The following RARB variants were observed in gnomAD, a reference collection of about 807,000 sequenced individuals.
RARB encodes retinoic acid receptor beta, also known as HBV-activated protein.
In RARB, 17 loss-of-function variants were observed where a neutral mutation model predicts 51.9. The observed-to-expected ratio is 0.33, with a 90% confidence interval of 0.22 to 0.49. RARB has a LOEUF of 0.49. RARB is among the 20% of genes least tolerant of loss of function. The pLI is 0.99. For synonymous variants in RARB, 215 were observed against 195.4 expected (o/e 1.10, Z -0.84); for missense variants, 369 against 550.8 (o/e 0.67, Z 3.30).
intron 5 of RARB, among the ~76,000 whole-genome samples, chr3:25,186,885 CTGTGTG>C (rs71057702): frequency 0.087 from 9,966 of 114,110 alleles, 356 homozygotes; most frequent in Non-Finnish European, 0.097. Flanking sequence ...AAAGGTAAGC[CTGTGTG>C]TGTGTGTGTG....
At chr3:25,409,861 G>A in intron 5 of RARB, among the ~76,000 whole-genome samples, 1 of 152,114 alleles carries the variant, frequency 6.6e-6, no homozygotes, top group East Asian at 1.9e-4. Flanking sequence ...TTACCTCCCA[G>A]GAATCCTTCA....
intron 5 of RARB, among the ~76,000 whole-genome samples, chr3:25,309,129 A>AT (rs1171133293): frequency 0.019 from 1,808 of 93,026 alleles, 407 homozygotes; most frequent in African/African-American, 0.05. Context: ...CTGTGCCTCC[A>AT]TTTTTTTTTT....
intron 2 of RARB, among the ~76,000 whole-genome samples, chr3:24,902,213 A>G (rs1389995093): frequency 6.6e-6 from 1 of 152,192 alleles, no homozygotes. Context: ...CCACAGACTT[A>G]CGTGTCCCTA....
intron 5 of RARB, among the ~76,000 whole-genome samples, chr3:25,371,986 G>A (rs1039744584): frequency 6.6e-6 from 1 of 152,188 alleles, no homozygotes; most frequent in African/African-American, 2.4e-5. Flanking sequence ...CAGGCTCACA[G>A]CTGCCACCGA....
At position 25,586,065 on chromosome 3, in the gene RARB, T is replaced by C. The variant is rs539358411; in HGVS notation, c.786+5343T>C. Among the ~76,000 whole-genome samples, 13 of 152,182 alleles carry C rather than the reference T, an allele frequency of 8.5e-5. No homozygotes were observed. In the South Asian group the frequency reaches 1.5e-3, roughly 17 times the overall value. On this transcript the variant is annotated intron_variant, in intron 5 of 7. Transcript: ENST00000330688. ...ATTCTAGCCGCCCATCTGGCCCAAC[T>C]CACAAGGGCGCCTCTCTCTGCTATA... is the stretch of plus-strand genomic sequence containing the variant.
chr3:25,013,376 C>A (rs1484489246), intron 2 of RARB, among the ~76,000 whole-genome samples: 1 of 152,090 alleles, frequency 6.6e-6, no homozygotes, highest in East Asian at 1.9e-4. Flanking sequence ...CACATAGATA[C>A]CTAGAAATGT....
At chr3:25,468,562 A>G (rs932291117) in intron 2 of RARB, among the ~76,000 whole-genome samples, 1 of 151,794 alleles carries the variant, frequency 6.6e-6, no homozygotes, top group Non-Finnish European at 1.5e-5. Context: ...TGTTAAAAAA[A>G]ACACCCCACT....
At chr3:24,832,255 T>A (rs951346928) in intron 1 of RARB, among the ~76,000 whole-genome samples, 21 of 152,290 alleles carry the variant, frequency 1.4e-4, no homozygotes, top group African/African-American at 4.6e-4. Flanking sequence ...ACCAGGCTCA[T>A]AAAATATCAC....
chr3:25,342,297 CTT>C (rs1273135317), intron 5 of RARB, among the ~76,000 whole-genome samples: 1 of 152,160 alleles, frequency 6.6e-6, no homozygotes, highest in African/African-American at 2.4e-5. Flanking sequence ...AATTTATAGA[CTT>C]ATTGCAGTAT....
intron 5 of RARB, among the ~76,000 whole-genome samples, chr3:25,243,830 G>C (rs942431550): frequency 3.3e-5 from 5 of 152,202 alleles, no homozygotes; most frequent in African/African-American, 1.2e-4. Flanking sequence ...CTCATAAAAT[G>C]AGTCAGGGAG....
intron 2 of RARB, among the ~76,000 whole-genome samples, chr3:24,949,359 C>G (rs948944452): frequency 4.6e-5 from 7 of 152,168 alleles, no homozygotes; most frequent in African/African-American, 1.2e-4. Flanking sequence ...ACCCTTCCCC[C>G]CTGAACATAT....
Position 24,991,307 on chromosome 3 carries a change from G to T in RARB, c.-379-68818G>T, listed in dbSNP as rs114427487. 5.7e-3 allele frequency among the ~76,000 whole-genome samples: 865 copies of T among 152,274 alleles called. 9 individuals are homozygous for T. The highest frequency in any genetic ancestry group is 0.02 in the African/African-American group (817 of 41,562). On this transcript the variant is annotated intron_variant, in intron 2 of 11. Coordinates refer to the RARB transcript ENST00000383772. ...AATACAAAACAATTAGCCAGGCTTA[G>T]TGGTGCATGCCGGTAGTCCCAGCTA...
chr3:24,865,434 C>T (rs1702828520), intron 2 of RARB, among the ~76,000 whole-genome samples: 1 of 152,062 alleles, frequency 6.6e-6, no homozygotes. Context: ...TCACAATACC[C>T]AGTGTAGTAG....
intron 3 of RARB, among the ~76,000 whole-genome samples, chr3:25,507,848 T>A (rs944334343): frequency 2.0e-5 from 3 of 152,042 alleles, no homozygotes; most frequent in Non-Finnish European, 2.9e-5. Flanking sequence ...GCCCCTGAGG[T>A]TAGGCTAGGT....
At chr3:25,302,294 A>T (rs1704058898) in intron 5 of RARB, among the ~76,000 whole-genome samples, 1 of 152,246 alleles carries the variant, frequency 6.6e-6, no homozygotes, top group Non-Finnish European at 1.5e-5. Flanking sequence ...CAAAGGAATG[A>T]AAACATGTTC....
At chr3:25,566,746 A>G (rs1009497387) in intron 3 of RARB, among the ~76,000 whole-genome samples, 6 of 152,214 alleles carry the variant, frequency 3.9e-5, no homozygotes, top group African/African-American at 1.2e-4. Context: ...GTGAAGCAGA[A>G]TGCTTAGGAG....
intron 1 of RARB, among the ~76,000 whole-genome samples, chr3:24,830,664 GGTGTGTGT>G (rs142061113): frequency 4.3e-5 from 6 of 139,922 alleles, no homozygotes; most frequent in Admixed American, 7.1e-5. Context: ...CAGAGTGTGG[GGTGTGTGT>G]GTGTGTGTGT....
At chr3:25,492,827 T>A (rs1213606794) in intron 2 of RARB, among the ~76,000 whole-genome samples, 1 of 152,156 alleles carries the variant, frequency 6.6e-6, no homozygotes, top group Non-Finnish European at 1.5e-5. Flanking sequence ...CTTTTAGGCC[T>A]AAAACACATG....
chr3:25,127,740 T>C (rs928601399), intron 3 of RARB, among the ~76,000 whole-genome samples: 1 of 152,052 alleles, frequency 6.6e-6, no homozygotes, highest in African/African-American at 2.4e-5. Flanking sequence ...TGCCCCGTGT[T>C]TCAATTTGAT....
Sources: gnomAD v4.1 joint callset for allele counts (sites outside exome capture counted in the v4.1 genomes callset) on GRCh38, gnomAD v4.1.1 for gene constraint, MANE v1.5 for transcripts, NCBI Gene and HGNC (gene_info 2026-07-23, HGNC 2026-07-21) for gene names.